Variants in BIVM observed in about 807,000 individuals in gnomAD.
BIVM encodes the protein basic immunoglobulin-like variable motif-containing protein.
BIVM carries 31 observed loss-of-function variants against 61.4 expected under a neutral mutation model. The ratio of observed to expected loss-of-function variants is 0.51; its 90% CI spans 0.38 to 0.68. BIVM has a LOEUF of 0.68. Among genes scored for constraint, BIVM ranks in the 30% least tolerant of loss-of-function variants. The probability of loss-of-function intolerance (pLI) is 0.00; values close to 1 mark genes in which losing one functional copy is unlikely to be tolerated. For synonymous variants in BIVM, 189 were observed against 210.7 expected (o/e 0.90, Z 0.89); for missense variants, 526 against 596.0 (o/e 0.88, Z 1.22).
At chr13:102,828,037 C>T (rs1011366044) in intron 7 of BIVM, among the ~76,000 whole-genome samples, 1 of 152,166 alleles carries the variant, frequency 6.6e-6, no homozygotes, top group African/African-American at 2.4e-5. Context: ...GCCTGTTTTT[C>T]ACAATGGGCT....
intron 7 of BIVM, 132 bp from the exon 8 acceptor site, chr13:102,831,433 G>T: frequency 7.3e-7 from 1 of 1,378,270 alleles, no homozygotes; most frequent in Non-Finnish European, 9.7e-7. Flanking sequence ...ATAGCTTCTT[G>T]TTTTTCCCCA....
At chr13:102,832,610 T>C (rs1192007791) in intron 8 of BIVM, among the ~76,000 whole-genome samples, 3 of 152,262 alleles carry the variant, frequency 2.0e-5, no homozygotes. Context: ...CAGAATCTAG[T>C]GTCAAGAAGA....
At chr13:102,819,840 T>C (rs1272063112) in intron 4 of BIVM, among the ~76,000 whole-genome samples, 3 of 152,240 alleles carry the variant, frequency 2.0e-5, no homozygotes, top group African/African-American at 7.2e-5. Context: ...AATGCATATA[T>C]GTACACATGC....
At chr13:102,804,233 C>T (rs1008592011) in intron 1 of BIVM, among the ~76,000 whole-genome samples, 2 of 152,188 alleles carry the variant, frequency 1.3e-5, no homozygotes, top group South Asian at 2.1e-4. Flanking sequence ...ACGCAACCTC[C>T]ACCTTCGAGC....
chr13:102,838,390 ATG>A (rs1881625741), intron 9 of BIVM, among the ~76,000 whole-genome samples: 1 of 152,238 alleles, frequency 6.6e-6, no homozygotes, highest in Admixed American at 6.5e-5. Flanking sequence ...GTCATCTAAC[ATG>A]TTGGTATTTA....
chr13:102,831,870 A>G (rs1300820468), intron 8 of BIVM, among the ~76,000 whole-genome samples, 173 bp downstream of exon 8: 1 of 93,302 alleles, frequency 1.1e-5, no homozygotes, highest in Non-Finnish European at 2.2e-5. Flanking sequence ...TCTACTAAAA[A>G]TACAAAAAAA....
intron 1 of BIVM, chr13:102,801,686 C>G (rs1266516634): frequency 6.6e-6 from 1 of 152,186 alleles, no homozygotes; most frequent in Non-Finnish European, 1.5e-5. Context: ...GTCTACAAAT[C>G]CTAGGCCCTG....
At position 102,839,756 on chromosome 13, in the gene BIVM, C is replaced by CT. The variant is rs752836787; in HGVS notation, c.1406dup (p.Ser470GlnfsTer3). ...AAGCAGCATGGGCGTCTGGGCCGGT[C>CT]TTTCAGTGCTAGTTTCCATCAGGAC... On this transcript the variant is annotated frameshift_variant, in exon 11 of 11. Transcript: ENST00000257336. LOFTEE classifies it high-confidence loss of function. The CT allele has an allele frequency of 6.2e-7, 1 of 1,614,168 alleles. No individual in the cohort carries two copies. The highest frequency in any genetic ancestry group is 2.2e-5 in the East Asian group (1 of 44,876).
intron 9 of BIVM, among the ~76,000 whole-genome samples, chr13:102,834,973 G>T (rs1881361963): frequency 6.6e-6 from 1 of 152,154 alleles, no homozygotes; most frequent in Non-Finnish European, 1.5e-5. Context: ...TGGGCATTTG[G>T]ATTGCTTTGA....
intron 3 of BIVM, among the ~76,000 whole-genome samples, chr13:102,816,056 T>C (rs1355685825): frequency 6.6e-6 from 1 of 152,216 alleles, no homozygotes; most frequent in African/African-American, 2.4e-5. Flanking sequence ...ATTTTTTTAC[T>C]GTCGATAATT....
chr13:102,816,470 A>T lies in BIVM; in HGVS notation c.521A>T (p.Lys174Ile), dbSNP rs1209063590. The T allele has an allele frequency of 6.3e-6, 10 of 1,592,240 alleles. No individual in the cohort carries two copies. Among genetic ancestry groups the T allele is most frequent in the Non-Finnish European group, 8.5e-6 (10 of 1,172,082 alleles). Residue 174 changes from lysine (K) to isoleucine (I), a missense_variant, in exon 4 of 11, where the codon AAA (lysine) becomes ATA (isoleucine). Lys to Ile is a moderately radical substitution (Grantham distance 102). This residue lies in a region of BIVM where 312 missense variants were observed against 343.8 expected (regional missense o/e 0.91). Transcript: ENST00000257336. ...GTTTCCAAGAGAAAAACTTCAGATA[A>T]AAAGGGAAGATATCAGAAGGAATGT... ...KQVSKRKTSD[K>I]KGRYQKECPQ...
intron 9 of BIVM, among the ~76,000 whole-genome samples, chr13:102,836,648 T>A (rs1235678786): frequency 6.6e-6 from 1 of 152,282 alleles, no homozygotes; most frequent in Middle Eastern, 3.4e-3. Context: ...GTGGTAGAGC[T>A]CAACTTTGAT....
intron 1 of BIVM, among the ~76,000 whole-genome samples, chr13:102,804,969 A>G (rs944278513): frequency 6.6e-6 from 1 of 152,280 alleles, no homozygotes; most frequent in African/African-American, 2.4e-5. Flanking sequence ...AGCCTAACTC[A>G]TAGGCTTTCG....
chr13:102,835,792 C>T (rs1881428519), intron 9 of BIVM, among the ~76,000 whole-genome samples: 1 of 152,216 alleles, frequency 6.6e-6, no homozygotes, highest in African/African-American at 2.4e-5. Flanking sequence ...CTCAGCCTCC[C>T]AAAGTGTTGG....
chr13:102,806,633 G>A lies in BIVM; in HGVS notation c.-122-513G>A, dbSNP rs1035661847. ...TTAAAAATTGGGCTATTTGCTGGCC[G>A]GGCATGGTGGCTCACATCTGTAATT... is the stretch of plus-strand genomic sequence containing the variant. On this transcript the variant is annotated intron_variant, in intron 2 of 10. Coordinates refer to ENST00000257336, the MANE Select transcript of BIVM (RefSeq NM_017693.4). 3.3e-5 allele frequency among the ~76,000 whole-genome samples: 5 copies of A among 151,778 alleles called. No individual in the cohort carries two copies. The East Asian group carries it at 5.9e-4, about 18-fold the overall frequency.
At chr13:102,814,790 T>C (rs1879750570) in intron 3 of BIVM, among the ~76,000 whole-genome samples, 1 of 152,172 alleles carries the variant, frequency 6.6e-6, no homozygotes, top group African/African-American at 2.4e-5. Flanking sequence ...ACACTTGTAA[T>C]CCCAGCATTT....
chr13:102,839,975 G>C lies in BIVM; in HGVS notation c.*110G>C. On this transcript the variant is annotated 3_prime_UTR_variant, in exon 11 of 11. Transcript: ENST00000257336. ...CCTACATTAAATAGGAGCAGATCTT[G>C]TGGTATAAAAAATAACCTTGTAGTT... 8.2e-7 allele frequency: 1 copy of C among 1,212,974 alleles called. No individual in the cohort carries two copies. Among genetic ancestry groups the C allele is most frequent in the Non-Finnish European group, 1.1e-6 (1 of 877,096 alleles). 75.1% of individuals were successfully genotyped at this position (1,212,974 alleles called of 1,614,324 possible).
intron 10 of BIVM, among the ~76,000 whole-genome samples, chr13:102,839,324 A>G (rs910512681): frequency 2.0e-5 from 3 of 152,146 alleles, no homozygotes; most frequent in Non-Finnish European, 2.9e-5. Flanking sequence ...GTTCTCTAGT[A>G]TGTGTTGGGA....
At chr13:102,814,916 C>T (rs1879758531) in intron 3 of BIVM, among the ~76,000 whole-genome samples, 1 of 152,038 alleles carries the variant, frequency 6.6e-6, no homozygotes, top group African/African-American at 2.4e-5. Context: ...TGGTCGCACG[C>T]ACTTGTGGTC....
Sources: allele counts gnomAD v4.1 joint callset (sites outside exome capture counted in the v4.1 genomes callset), GRCh38; gene constraint gnomAD v4.1.1; regional missense constraint gnomAD v4.1.1; transcripts MANE v1.5; gene names NCBI Gene and HGNC (gene_info 2026-07-23, HGNC 2026-07-21).